NME9: variants seen among roughly 807,000 people sequenced by gnomAD.
NME9 encodes the protein thioredoxin domain-containing protein 6.
Under a neutral mutation model 44.4 loss-of-function variants are expected in NME9, and 48 were observed. The observed-to-expected ratio is 1.08, with a 90% CI of 0.86 to 1.37. The LOEUF (loss-of-function observed/expected upper bound fraction) is 1.37. Ranked by LOEUF, NME9 falls within the 40% of genes most tolerant of loss-of-function variation. The probability of loss-of-function intolerance (pLI) is 0.00; values close to 1 mark genes in which losing one functional copy is unlikely to be tolerated. For missense variants in NME9, 325 were observed against 405.2 expected (o/e 0.80, Z 1.70); for synonymous variants, 139 against 147.1 (o/e 0.94, Z 0.40).
intron 8 of NME9, among the ~76,000 whole-genome samples, chr3:138,289,686 C>T (rs1455142040): frequency 6.6e-6 from 1 of 152,030 alleles, no homozygotes; most frequent in Non-Finnish European, 1.5e-5. Flanking sequence ...GGGCTCCAGG[C>T]ATAAGTGGTT....
chr3:138,306,482 T>A lies in NME9; in HGVS notation c.461-2A>T, dbSNP rs1310612542. The A allele has an allele frequency of 7.5e-6, 12 of 1,595,928 alleles. No individual in the cohort carries two copies. The highest frequency in any genetic ancestry group is 4.1e-5 in the African/African-American group (3 of 74,060). ...AGGTACAGGTCCTCTCTGATGAAAC[T>A]AAGCCAAAAAATGGTGCTGTCAGAT... On this transcript the variant is annotated splice_acceptor_variant, in intron 6 of 10. Coordinates refer to ENST00000333911, the MANE Select transcript of NME9 (RefSeq NM_001349018.2). LOFTEE classifies it high-confidence loss of function.
chr3:138,286,782 A>G (rs1190600769), intron 8 of NME9, among the ~76,000 whole-genome samples: 1 of 152,188 alleles, frequency 6.6e-6, no homozygotes, highest in East Asian at 1.9e-4. Flanking sequence ...TTATACTATC[A>G]TCACTGTGCT....
At chr3:138,315,763 A>AGAAGTGAGCACGCTGCTACAG in intron 4 of NME9, 120 bp from the exon 5 acceptor site, 1 of 721,170 alleles carries the variant, frequency 1.4e-6, no homozygotes, top group African/African-American at 1.8e-5. Context: ...GGCCTGTAGC[A>AGAAGTGAGCACGCTGCTACAG]GCGTGCTCAC....
intron 8 of NME9, among the ~76,000 whole-genome samples, chr3:138,282,993 A>G (rs1055301644): frequency 7.2e-5 from 11 of 152,342 alleles, no homozygotes; most frequent in African/African-American, 2.4e-4. Flanking sequence ...CACCTTCTCC[A>G]GATCAGATCA....
At chr3:138,274,349 G>A (rs1220028752) in intron 8 of NME9, 7 of 738,536 alleles carry the variant, frequency 9.5e-6, no homozygotes, top group Non-Finnish European at 1.6e-5. Context: ...TGTTTTGCAT[G>A]AAGCAGTTGT....
intron 8 of NME9, chr3:138,269,948 G>A (rs1349415625): frequency 2.7e-6 from 2 of 735,128 alleles, no homozygotes; most frequent in Non-Finnish European, 4.5e-6. Flanking sequence ...GTAAGAGTGG[G>A]GAAGAAATCA....
rs10580643 is a variant in NME9 at position 138,322,485 on chromosome 3, GGTGTGTGTGT to G, written c.91+2378_91+2387del. ...AGGAATGGCAGAGACAAGAAAAAGG[GGTGTGTGTGT>G]GTGTGTGTGTGTGTGTGTGTGTGTG... On this transcript the variant is annotated intron_variant, in intron 2 of 10. Coordinates refer to ENST00000333911, the MANE Select transcript of NME9 (RefSeq NM_001349018.2). Among the ~76,000 whole-genome samples the G allele has an allele frequency of 3.7e-3, 541 of 146,430 alleles. 3 individuals carry two copies. Among genetic ancestry groups the G allele is most frequent in the African/African-American group, 0.013 (507 of 39,818 alleles).
intron 2 of NME9, 150 bp downstream of exon 2, chr3:138,324,722 AC>A: frequency 1.5e-6 from 1 of 661,584 alleles, no homozygotes. Flanking sequence ...ACACACACAC[AC>A]ACACACACAC....
intron 2 of NME9, among the ~76,000 whole-genome samples, chr3:138,320,689 G>A (rs1443943237): frequency 6.6e-6 from 1 of 152,164 alleles, no homozygotes; most frequent in Non-Finnish European, 1.5e-5. Flanking sequence ...ACCTGCACTG[G>A]GCATTGTAGA....
At chr3:138,310,145 A>C (rs564531154) in intron 6 of NME9, among the ~76,000 whole-genome samples, 6 of 152,200 alleles carry the variant, frequency 3.9e-5, no homozygotes, top group Non-Finnish European at 8.8e-5. Flanking sequence ...GGAAACCAAA[A>C]GAGAGCAAGA....
intron 10 of NME9, chr3:138,303,231 C>T: frequency 3.2e-6 from 1 of 313,826 alleles, no homozygotes; most frequent in Non-Finnish European, 6.0e-6. Flanking sequence ...CAGGGAAATG[C>T]AAATAAAGTA....
chr3:138,300,051 AGGGAAGAGCACAGCCCCATGGT>A (rs2051761590), downstream of NME9, among the ~76,000 whole-genome samples: 1 of 152,156 alleles, frequency 6.6e-6, no homozygotes, highest in Non-Finnish European at 1.5e-5. Context: ...CCACTCCCAA[AGGGAAGAGCACAGCCCCATGGT>A]GGGCTGTGAG....
chr3:138,286,100 G>A (rs922982595), intron 8 of NME9, among the ~76,000 whole-genome samples: 1 of 151,932 alleles, frequency 6.6e-6, no homozygotes, highest in African/African-American at 2.4e-5. Context: ...CGGCACTATT[G>A]CCCGGCTAAT....
At chr3:138,306,879 A>T (rs966533350) in intron 6 of NME9, among the ~76,000 whole-genome samples, 1 of 152,186 alleles carries the variant, frequency 6.6e-6, no homozygotes. Context: ...GGAGAAAGTG[A>T]GAGGGGGGCC....
chr3:138,312,701 A>AT (rs1335114541), intron 6 of NME9, among the ~76,000 whole-genome samples: 2 of 152,214 alleles, frequency 1.3e-5, no homozygotes, highest in Admixed American at 6.5e-5. Flanking sequence ...CTGAACAAAG[A>AT]TTTTTTGTGT....
At chr3:138,328,152 T>TCTA (rs936134031) in intron 1 of NME9, among the ~76,000 whole-genome samples, 3 of 152,210 alleles carry the variant, frequency 2.0e-5, no homozygotes, top group African/African-American at 7.2e-5. Context: ...GGCTTCTGAC[T>TCTA]CTAGAATCCT....
intron 8 of NME9, chr3:138,263,588 G>GC (rs1328498475): frequency 1.4e-6 from 1 of 698,242 alleles, no homozygotes; most frequent in Non-Finnish European, 2.5e-6. Context: ...TGAGCTGCCC[G>GC]CCCCCAGCGC....
chr3:138,309,107 A>C (rs960044598), intron 6 of NME9, among the ~76,000 whole-genome samples: 1 of 152,110 alleles, frequency 6.6e-6, no homozygotes, highest in African/African-American at 2.4e-5. Context: ...CCTGACCAAC[A>C]GGGCAAAACC....
At chr3:138,290,617 C>T (rs1452445105) in intron 8 of NME9, 1 of 1,604,350 alleles carries the variant, frequency 6.2e-7, no homozygotes, top group Non-Finnish European at 8.5e-7. Context: ...GAGTCAGTCA[C>T]CAGATTCAAA....
Sources: gnomAD v4.1 joint callset for allele counts (sites outside exome capture counted in the v4.1 genomes callset) on GRCh38, gnomAD v4.1.1 for gene constraint, MANE v1.5 for transcripts, NCBI Gene and HGNC (gene_info 2026-07-23, HGNC 2026-07-21) for gene names.